Variants in VPS33A observed in about 807,000 individuals in gnomAD.
VPS33A encodes vacuolar protein sorting-associated protein 33A.
In VPS33A, 32 loss-of-function variants were observed where a neutral mutation model predicts 71.8. The ratio of observed to expected loss-of-function variants is 0.45; its 90% CI spans 0.34 to 0.60. The LOEUF is 0.60. VPS33A is among the 20% of genes least tolerant of loss of function. VPS33A has a pLI of 0.02. For missense variants in VPS33A, 625 were observed against 748.5 expected (o/e 0.84, Z 1.92); for synonymous variants, 311 against 292.7 (o/e 1.06, Z -0.64).
intron 4 of VPS33A, among the ~76,000 whole-genome samples, chr12:122,258,394 AC>A (rs1954946712): frequency 1.3e-5 from 2 of 152,142 alleles, no homozygotes; most frequent in South Asian, 2.1e-4. Context: ...ATCGAACGAC[AC>A]CAATCTCACC....
intron 8 of VPS33A, among the ~76,000 whole-genome samples, chr12:122,240,845 GA>G (rs1393480996): frequency 6.6e-6 from 1 of 152,054 alleles, no homozygotes; most frequent in Non-Finnish European, 1.5e-5. Flanking sequence ...TTCAAAAAAG[GA>G]AAAAAGCTGC....
At chr12:122,233,974 C>G (rs1056603761) in intron 11 of VPS33A, among the ~76,000 whole-genome samples, 2 of 152,116 alleles carry the variant, frequency 1.3e-5, no homozygotes, top group African/African-American at 4.8e-5. Flanking sequence ...TTGCTCCTGA[C>G]AGAGGAGACT....
Position 122,266,369 on chromosome 12 carries a change from C to T in VPS33A, c.40G>A (p.Val14Met), listed in dbSNP as rs1156293072. Residue 14 changes from valine to methionine, a missense_variant, in exon 1 of 13, where the codon GTG becomes ATG. Physicochemically the swap from Val to Met is conservative, Grantham distance 21 (BLOSUM62 1). Coordinates refer to ENST00000267199, the MANE Select transcript of VPS33A (RefSeq NM_022916.6). Reference sequence around the variant, plus strand: ...TCGCGACGCACCGCCTCGCGCAACACGTTTAGGTTCACTCGGCCGTAGGAC... The same window carrying T: ...TCGCGACGCACCGCCTCGCGCAACATGTTTAGGTTCACTCGGCCGTAGGAC... ...HLSYGRVNLNVLREAVRRELR... is the reference protein window; with the variant it reads ...HLSYGRVNLNMLREAVRRELR... 6.2e-7 allele frequency: 1 copy of T among 1,613,718 alleles called. No individual in the cohort carries two copies. Among genetic ancestry groups the T allele is most frequent in the South Asian group, 1.1e-5 (1 of 91,088 alleles).
intron 4 of VPS33A, among the ~76,000 whole-genome samples, chr12:122,260,950 G>A (rs530070502): frequency 9.8e-5 from 15 of 152,310 alleles, no homozygotes; most frequent in Admixed American, 6.5e-4. Flanking sequence ...GCTCCAGCCC[G>A]GGCGACAGAG....
In VPS33A at chr12:122,266,420, A is replaced by AC; in HGVS notation, c.-13dup. The AC allele has an allele frequency of 6.3e-7, 1 of 1,599,490 alleles. No individual in the cohort carries two copies. The highest frequency in any genetic ancestry group is 8.5e-7 in the Non-Finnish European group (1 of 1,171,608). ...AGATGAGCCGCCATCTTGCTCCACC[A>AC]CCCCCTGCCCCACAACGCCAACCGA... On this transcript the variant is annotated 5_prime_UTR_variant, in exon 1 of 13. Coordinates refer to ENST00000267199, the MANE Select transcript of VPS33A (RefSeq NM_022916.6).
chr12:122,249,157 A>G (rs1318729880), intron 6 of VPS33A: 1 of 152,196 alleles, frequency 6.6e-6, no homozygotes, highest in Non-Finnish European at 1.5e-5. Flanking sequence ...CATATATAAC[A>G]ACCTCTAATT....
chr12:122,251,854 C>T (rs539729946), intron 4 of VPS33A, among the ~76,000 whole-genome samples: 2 of 150,486 alleles, frequency 1.3e-5, no homozygotes, highest in Non-Finnish European at 1.5e-5. Context: ...AGCACACCAA[C>T]ATGGCACATG....
intron 9 of VPS33A, among the ~76,000 whole-genome samples, chr12:122,239,079 C>T (rs1248317538): frequency 6.6e-6 from 1 of 152,074 alleles, no homozygotes; most frequent in Non-Finnish European, 1.5e-5. Flanking sequence ...TACAATTGGT[C>T]ACTCCATATG....
At chr12:122,241,963 A>G (rs2136129862) in intron 8 of VPS33A, among the ~76,000 whole-genome samples, 1 of 152,178 alleles carries the variant, frequency 6.6e-6, no homozygotes, top group East Asian at 1.9e-4. Context: ...GCTGGAGTGC[A>G]GTGGCGTGAT....
At chr12:122,259,785 T>G (rs1229717879) in intron 4 of VPS33A, among the ~76,000 whole-genome samples, 1 of 151,892 alleles carries the variant, frequency 6.6e-6, no homozygotes, top group Non-Finnish European at 1.5e-5. Flanking sequence ...ATTATAGAAT[T>G]TCATTTCTAA....
In VPS33A at chr12:122,254,005, AT is replaced by A. The variant is rs1018828023; in HGVS notation, c.484-2907del. ...CAATACCCTTAACATTTAAATGCGCATTTTTTTAACCCCAAAGTCTCACATA... is the reference window on the plus strand; with the variant it reads ...CAATACCCTTAACATTTAAATGCGCATTTTTTAACCCCAAAGTCTCACATA... On this transcript the variant is annotated intron_variant, in intron 4 of 12. Coordinates refer to ENST00000267199, the MANE Select transcript of VPS33A (RefSeq NM_022916.6). 3.8e-4 allele frequency among the ~76,000 whole-genome samples: 57 copies of A among 151,960 alleles called. 1 individual carries two copies. The highest frequency in any genetic ancestry group is 3.2e-3 in the Admixed American group (49 of 15,244).
intron 3 of VPS33A, 151 bp from the exon 4 acceptor site, chr12:122,261,598 G>A: frequency 1.4e-6 from 1 of 738,528 alleles, no homozygotes. Context: ...GCCGGGTGCA[G>A]TGGCTCACAC....
In VPS33A at chr12:122,230,542, C is replaced by T. The variant is rs1208213953; in HGVS notation, c.*1704G>A. On this transcript the variant is annotated 3_prime_UTR_variant, in exon 13 of 13. Coordinates refer to ENST00000267199, the MANE Select transcript of VPS33A (RefSeq NM_022916.6). ...GTTGCAGTGAGCTGACATCGCACCA[C>T]TGCACTCCAGTCTGAAAAGAGCGTG... 6.6e-6 allele frequency: 1 copy of T among 152,268 alleles called. No homozygotes were observed. Among genetic ancestry groups the T allele is most frequent in the African/African-American group, 2.4e-5 (1 of 41,456 alleles). The allele number at this position is 152,268 out of a possible 1,614,324, so 9.4% of individuals were successfully genotyped here. A position where few individuals can be genotyped will look rare whatever the true frequency, so the allele number is the denominator to read the frequency against.
chr12:122,239,747 CTCAAAAAAAAAAAAAA>C, intron 9 of VPS33A, 115 bp downstream of exon 9: 1 of 324,186 alleles, frequency 3.1e-6, no homozygotes, highest in Non-Finnish European at 4.9e-6. Flanking sequence ...GAGACTCCGT[CTCAAAAAAAAAAAAAA>C]AAAAAAAAAA....
At position 122,233,007 on chromosome 12, in the gene VPS33A, G is replaced by A. The variant is rs1281676723; in HGVS notation, c.1441-39C>T. Reference sequence around the variant, plus strand: ...AAAGAACAAAAACCCTATAGATACAGAGACTTAGAGCTACCTGACTGTGGC... The same window carrying A: ...AAAGAACAAAAACCCTATAGATACAAAGACTTAGAGCTACCTGACTGTGGC... On this transcript the variant is annotated intron_variant, in intron 11 of 12. Transcript: ENST00000267199. 3.3e-6 allele frequency: 5 copies of A among 1,526,440 alleles called. 1 individual carries two copies. In the South Asian group the frequency reaches 6.1e-5, roughly 19 times the overall value. The allele number at this position is 1,526,440 out of a possible 1,614,324, so 94.6% of individuals were successfully genotyped here. A position where few individuals can be genotyped will look rare whatever the true frequency, so the allele number is the denominator to read the frequency against.
intron 1 of VPS33A, 142 bp downstream of exon 1, chr12:122,266,165 G>A (rs1040156278): frequency 3.2e-6 from 4 of 1,260,200 alleles, no homozygotes; most frequent in Non-Finnish European, 4.3e-6. Context: ...CTGCACAGGG[G>A]TGCAGGTAAA....
intron 9 of VPS33A, 36 bp from the exon 10 acceptor site, chr12:122,238,760 T>TACAC: frequency 6.8e-7 from 1 of 1,465,430 alleles, no homozygotes; most frequent in Non-Finnish European, 9.4e-7. Context: ...CATATACATT[T>TACAC]ACATATACAT....
chr12:122,235,693 G>T, intron 11 of VPS33A, 93 bp downstream of exon 11: 1 of 1,447,410 alleles, frequency 6.9e-7, no homozygotes, highest in Non-Finnish European at 9.2e-7. Flanking sequence ...TTTTCAGAAA[G>T]CAAGGCAGAT....
At chr12:122,236,639 ATAAATAAATTTTAAAAAGTAG>A (rs1954632690) in intron 10 of VPS33A, among the ~76,000 whole-genome samples, 5 of 152,260 alleles carry the variant, frequency 3.3e-5, no homozygotes, top group Admixed American at 2.6e-4. Flanking sequence ...GTCTCAAAAA[ATAAATAAATTTTAAAAAGTAG>A]CCAACACTTA....
Sources: allele counts gnomAD v4.1 joint callset (sites outside exome capture counted in the v4.1 genomes callset), GRCh38; gene constraint gnomAD v4.1.1; transcripts MANE v1.5; gene names NCBI Gene and HGNC (gene_info 2026-07-23, HGNC 2026-07-21).